The following ELL variants were observed in gnomAD, a reference collection of about 807,000 sequenced individuals.
ELL encodes RNA polymerase II elongation factor ELL.
Under a neutral mutation model 64.0 loss-of-function variants are expected in ELL, and 18 were observed. The ratio of observed to expected loss-of-function variants is 0.28; its 90% CI spans 0.19 to 0.42. The LOEUF is 0.42. Ranked by LOEUF, ELL falls within the 10% of genes least tolerant of loss-of-function variation. The pLI is 1.00. For synonymous variants in ELL, 399 were observed against 376.2 expected, an observed-to-expected ratio of 1.06 and a Z score of -0.70; for missense variants, 797 against 870.4, an observed-to-expected ratio of 0.92 and a Z score of 1.06.
At chr19:18,453,499 GAACA>G (rs1974585515) in intron 6 of ELL, among the ~76,000 whole-genome samples, 1 of 152,096 alleles carries the variant, frequency 6.6e-6, no homozygotes, top group African/African-American at 2.4e-5. Context: ...GAGCAATAAT[GAACA>G]AACAAACCCA....
chr19:18,464,680 T>A (rs1974899278), intron 4 of ELL, among the ~76,000 whole-genome samples: 1 of 152,242 alleles, frequency 6.6e-6, no homozygotes, highest in South Asian at 2.1e-4. Flanking sequence ...CCATCAAGGC[T>A]GTCGTCTGCT....
In ELL at chr19:18,467,877, CCA is replaced by C. The variant is rs760111308; in HGVS notation, c.184-1961_184-1960del. Among the ~76,000 whole-genome samples the C allele has an allele frequency of 5.5e-3, 316 of 57,852 alleles. 2 individuals are homozygous for C. The highest frequency in any genetic ancestry group is 7.9e-3 in the African/African-American group (105 of 13,374). The allele number at this position is 57,852 out of a possible 152,430, so 38.0% of individuals were successfully genotyped here. On this transcript the variant is annotated intron_variant, in intron 2 of 11. Transcript: ENST00000262809. ...ACCCCCCACAACCACACAATCCCCC[CCA>C]CACACAAACACAACCCCTCCATACA...
intron 4 of ELL, among the ~76,000 whole-genome samples, chr19:18,463,007 TCTGTCCTGAACAATGATGCCCCGGCA>T (rs1974859198): frequency 6.6e-6 from 1 of 152,182 alleles, no homozygotes; most frequent in Non-Finnish European, 1.5e-5. Context: ...GCTCCCCTGC[TCTGTCCTGAACAATGATGCCCCGGCA>T]TCCTTGGGAA....
chr19:18,494,518 G>A (rs1397921417), intron 1 of ELL, among the ~76,000 whole-genome samples: 2 of 151,950 alleles, frequency 1.3e-5, no homozygotes, highest in East Asian at 1.9e-4. Context: ...AGCCTCCCAA[G>A]TAGCTGGGAT....
At chr19:18,446,200 G>A (rs868478572) in intron 10 of ELL, 109 bp downstream of exon 10, 15 of 1,305,810 alleles carry the variant, frequency 1.1e-5, no homozygotes, top group Middle Eastern at 5.4e-4. Flanking sequence ...GCTGCCTGGG[G>A]AAGGGCCAGA....
Position 18,461,736 on chromosome 19 carries a change from C to A in ELL, c.586G>T (p.Val196Leu), listed in dbSNP as rs748628873. The change falls in exon 5 of 12, where the codon GTG (valine) becomes TTG (leucine). Residue 196 changes from valine to leucine, a missense_variant. Physicochemically the swap from Val to Leu is conservative, Grantham distance 32. Coordinates refer to ENST00000262809, the MANE Select transcript of ELL (RefSeq NM_006532.4). Reference sequence around the variant, plus strand: ...TGGGACACCCCGCTGCCCCCACTCACGGCACTGGCACCACTCTTCCTGATG... The same window carrying A: ...TGGGACACCCCGCTGCCCCCACTCAAGGCACTGGCACCACTCTTCCTGATG... ...SAIRKSGASAVSGGSGVSQRP... is the reference protein window; with the variant it reads ...SAIRKSGASALSGGSGVSQRP... The A allele has an allele frequency of 6.2e-7, 1 of 1,613,938 alleles. No individual in the cohort carries two copies. The highest frequency in any genetic ancestry group is 1.1e-5 in the South Asian group (1 of 91,092).
intron 1 of ELL, among the ~76,000 whole-genome samples, chr19:18,487,724 TC>T (rs570696619): frequency 3.5e-4 from 54 of 152,318 alleles, no homozygotes; most frequent in Non-Finnish European, 6.5e-4. Context: ...AATGAATCAG[TC>T]CCTTCAGATC....
intron 1 of ELL, among the ~76,000 whole-genome samples, chr19:18,474,921 G>A (rs1250827602): frequency 2.6e-5 from 4 of 152,170 alleles, no homozygotes; most frequent in Admixed American, 2.0e-4. Context: ...TCAGGAGTTC[G>A]AGACCAGTCT....
chr19:18,448,961 C>T (rs1296482094), intron 8 of ELL, among the ~76,000 whole-genome samples: 1 of 152,162 alleles, frequency 6.6e-6, no homozygotes. Context: ...ACATGCCCTG[C>T]ACAAGTACCA....
intron 1 of ELL, among the ~76,000 whole-genome samples, chr19:18,506,714 A>G (rs1016387412): frequency 2.6e-5 from 4 of 152,002 alleles, no homozygotes; most frequent in African/African-American, 9.7e-5. Context: ...ACAGAGCAAG[A>G]CCTCGTCTGA....
chr19:18,506,393 G>A (rs944541422), intron 1 of ELL, among the ~76,000 whole-genome samples: 1 of 152,238 alleles, frequency 6.6e-6, no homozygotes, highest in East Asian at 1.9e-4. Context: ...GGGGGAAAGG[G>A]ATCCAAAGCT....
chr19:18,484,484 T>A (rs1420429171), intron 1 of ELL, among the ~76,000 whole-genome samples: 1 of 151,686 alleles, frequency 6.6e-6, no homozygotes, highest in East Asian at 1.9e-4. Context: ...AAATAAAAAA[T>A]TTAAAAATTA....
At position 18,465,854 on chromosome 19, in the gene ELL, T is replaced by C. The variant is rs1275749327; in HGVS notation, c.248A>G (p.Asn83Ser). ...EARTFSFYLSNIGRDNPQGSF... is the reference protein window; with the variant it reads ...EARTFSFYLSSIGRDNPQGSF... ...GCCCTGGGGGTTGTCGCGGCCGATGTTGGAGAGGTAGAAGGAGAACGTCCG... is the reference window on the plus strand; with the variant it reads ...GCCCTGGGGGTTGTCGCGGCCGATGCTGGAGAGGTAGAAGGAGAACGTCCG... The change falls in exon 3 of 12, where the codon AAC (asparagine) becomes AGC (serine). Residue 83 changes from asparagine (N) to serine (S), a missense_variant. By Grantham distance (46) the Asn-to-Ser change is conservative (BLOSUM62 1). Coordinates refer to ENST00000262809, the MANE Select transcript of ELL (RefSeq NM_006532.4). The C allele has an allele frequency of 7.4e-7, 1 of 1,350,914 alleles. No individual in the cohort carries two copies. The highest frequency in any genetic ancestry group is 2.8e-5 in the East Asian group (1 of 36,186). The allele number at this position is 1,350,914 out of a possible 1,614,324, so 83.7% of individuals were successfully genotyped here.
chr19:18,451,725 C>A (rs1398702635), intron 6 of ELL, 77 bp from the exon 7 acceptor site: 11 of 1,184,024 alleles, frequency 9.3e-6, no homozygotes, highest in Non-Finnish European at 1.1e-5. Flanking sequence ...CACATGGGGG[C>A]CCGGTGGAGA....
chr19:18,490,550 C>A (rs909637520), intron 1 of ELL, among the ~76,000 whole-genome samples: 4 of 152,206 alleles, frequency 2.6e-5, no homozygotes, highest in Admixed American at 1.3e-4. Context: ...CTTCAACATT[C>A]AATGTTTTTG....
intron 1 of ELL, among the ~76,000 whole-genome samples, chr19:18,479,317 C>G (rs1975244720): frequency 1.3e-5 from 2 of 152,160 alleles, no homozygotes; most frequent in Admixed American, 1.3e-4. Context: ...CGGGAAGCGA[C>G]CATCAGAGCA....
chr19:18,481,671 C>T (rs1458662956), intron 1 of ELL, among the ~76,000 whole-genome samples: 2 of 152,210 alleles, frequency 1.3e-5, no homozygotes, highest in African/African-American at 4.8e-5. Context: ...ATTCAGCCAA[C>T]CACCTACTCA....
intron 2 of ELL, among the ~76,000 whole-genome samples, chr19:18,467,440 G>A (rs1974963108): frequency 6.6e-6 from 1 of 152,024 alleles, no homozygotes; most frequent in African/African-American, 2.4e-5. Context: ...CAGCGTGCTG[G>A]TGGAGGGCAA....
intron 1 of ELL, among the ~76,000 whole-genome samples, chr19:18,479,935 G>A (rs1318740466): frequency 6.6e-6 from 1 of 152,052 alleles, no homozygotes; most frequent in Non-Finnish European, 1.5e-5. Flanking sequence ...CCCTCCAGAA[G>A]CACCCACTCA....
Sources: gnomAD v4.1 joint callset for allele counts (sites outside exome capture counted in the v4.1 genomes callset) on GRCh38, gnomAD v4.1.1 for gene constraint, MANE v1.5 for transcripts, NCBI Gene and HGNC (gene_info 2026-07-23, HGNC 2026-07-21) for gene names.